NGEF: variants seen among roughly 807,000 people sequenced by gnomAD.
NGEF encodes ephexin-1.
A neutral mutation model predicts 80.9 loss-of-function variants in NGEF; 31 were observed. That is an observed-to-expected ratio of 0.38 (90% CI 0.29 to 0.52). NGEF has a LOEUF of 0.52. NGEF is among the 20% of genes least tolerant of loss of function. NGEF has a pLI of 0.84. For missense variants in NGEF, 709 were observed against 926.2 expected (o/e 0.77, Z 3.04); for synonymous variants, 371 against 370.2 (o/e 1.00, Z -0.03).
intron 1 of NGEF, among the ~76,000 whole-genome samples, chr2:232,992,569 AAAG>A (rs1179414210): frequency 2.0e-5 from 3 of 152,126 alleles, no homozygotes; most frequent in South Asian, 4.1e-4. Flanking sequence ...AATTTAAAAA[AAAG>A]AAGAAGAAAA....
intron 9 of NGEF, among the ~76,000 whole-genome samples, chr2:232,887,364 G>C (rs551578874): frequency 6.6e-6 from 1 of 152,296 alleles, no homozygotes; most frequent in East Asian, 1.9e-4. Context: ...AGGAGGAGCC[G>C]TCTCTCTCTG....
intron 3 of NGEF, among the ~76,000 whole-genome samples, chr2:232,956,658 T>C (rs1036478491): frequency 6.6e-6 from 1 of 151,634 alleles, no homozygotes; most frequent in Non-Finnish European, 1.5e-5. Flanking sequence ...TCCCAGCTAC[T>C]TGGGAGGCTG....
At chr2:232,933,729 G>T (rs760644474) in intron 3 of NGEF, among the ~76,000 whole-genome samples, 1 of 152,230 alleles carries the variant, frequency 6.6e-6, no homozygotes, top group South Asian at 2.1e-4. Flanking sequence ...GCTTTTTCAA[G>T]TGCTGTTCCC....
intron 3 of NGEF, among the ~76,000 whole-genome samples, chr2:232,941,340 T>C (rs1693433656): frequency 6.6e-6 from 1 of 152,160 alleles, no homozygotes; most frequent in Non-Finnish European, 1.5e-5. Flanking sequence ...ATTTCTAATC[T>C]GTGGCTAATG....
rs145715162 is a variant in NGEF at position 232,888,525 on chromosome 2, GCA to G, written c.1273-420_1273-419del. ...CAAACATGCATACAAGCATGTGTGCGCACACATACATGCATGCACATACATGC... is the reference window on the plus strand; with the variant it reads ...CAAACATGCATACAAGCATGTGTGCGCACATACATGCATGCACATACATGC... On this transcript the variant is annotated intron_variant, in intron 8 of 14. Coordinates refer to ENST00000264051, the MANE Select transcript of NGEF (RefSeq NM_019850.3). 2.1e-3 allele frequency among the ~76,000 whole-genome samples: 287 copies of G among 133,894 alleles called. 6 individuals are homozygous for G. The East Asian group carries it at 0.047, about 22-fold the overall frequency. The allele number at this position is 133,894 out of a possible 152,430, so 87.8% of individuals were successfully genotyped here.
chr2:232,949,392 G>A (rs1477917301), intron 3 of NGEF, among the ~76,000 whole-genome samples: 1 of 152,090 alleles, frequency 6.6e-6, no homozygotes, highest in Non-Finnish European at 1.5e-5. Context: ...TCAAAGATTA[G>A]GAATATCTTT....
rs544199470 is a variant in NGEF at position 232,943,522 on chromosome 2, G to A, written c.384-16336C>T. ...ACATTTTTTTTTTTTTTGAGACGGA[G>A]TCTCACTCTGTCGCCCAGGCTGGAG... On this transcript the variant is annotated intron_variant, in intron 3 of 14. Coordinates refer to ENST00000264051, the MANE Select transcript of NGEF (RefSeq NM_019850.3). 2.1e-3 allele frequency among the ~76,000 whole-genome samples: 299 copies of A among 144,740 alleles called. 4 individuals carry two copies. The East Asian group carries it at 0.023, about 11-fold the overall frequency. The allele number at this position is 144,740 out of a possible 152,430, so 95.0% of individuals were successfully genotyped here.
At chr2:232,949,771 C>A (rs1283963006) in intron 3 of NGEF, among the ~76,000 whole-genome samples, 3 of 147,770 alleles carry the variant, frequency 2.0e-5, no homozygotes, top group Non-Finnish European at 4.5e-5. Context: ...AGCCACTGCG[C>A]CTGGCTCTCT....
intron 1 of NGEF, among the ~76,000 whole-genome samples, chr2:233,008,322 GT>G (rs1695129810): frequency 6.6e-6 from 1 of 152,134 alleles, no homozygotes; most frequent in African/African-American, 2.4e-5. Context: ...GGAGCAGGCA[GT>G]TTTGCCATCT....
chr2:232,879,911 G>A (rs752864249), intron 14 of NGEF, among the ~76,000 whole-genome samples: 6 of 152,200 alleles, frequency 3.9e-5, no homozygotes, highest in African/African-American at 1.2e-4. Flanking sequence ...TCCGTGCCAC[G>A]CAGTTCCACG....
chr2:233,001,557 G>A (rs975873424), intron 1 of NGEF, among the ~76,000 whole-genome samples: 8 of 152,184 alleles, frequency 5.3e-5, no homozygotes, highest in African/African-American at 1.7e-4. Context: ...CAGCGAGAAC[G>A]GAAGGCGAGA....
Position 232,891,447 on chromosome 2 carries a change from C to G in NGEF, c.1183G>C (p.Glu395Gln). 1 of 1,613,352 alleles carries G rather than the reference C, an allele frequency of 6.2e-7. No individual in the cohort carries two copies. The highest frequency in any genetic ancestry group is 8.5e-7 in the Non-Finnish European group (1 of 1,179,962). The change falls in exon 8 of 15, where the codon GAG becomes CAG. Residue 395 changes from glutamate (E) to glutamine (Q), a missense_variant. Around this residue, in one of 2 missense-constraint regions of NGEF, gnomAD observed 426 missense variants for 622.9 expected, o/e 0.68. Coordinates refer to ENST00000264051, the MANE Select transcript of NGEF (RefSeq NM_019850.3). The stretch of plus-strand genomic sequence containing the variant: ...AGCCCCCTGCACTTGGGGTCGAGCT[C>G]TAGCTGCGCGATCAGCTCCCGGAAA... ...AAFRELIAQL[E>Q]LDPKCRGLPF...
At chr2:232,927,965 C>T in intron 3 of NGEF, 2 of 1,308,426 alleles carry the variant, frequency 1.5e-6, no homozygotes, top group South Asian at 2.3e-5. Context: ...GTCCACGGCG[C>T]AGGCGGCGCT....
chr2:232,885,538 C>T, intron 9 of NGEF, 169 bp from the exon 10 acceptor site: 1 of 607,548 alleles, frequency 1.6e-6, no homozygotes, highest in Non-Finnish European at 2.9e-6. Context: ...CTCTTTCTAG[C>T]ACCTTGTGGG....
At chr2:232,891,890 C>G (rs1028631701) in intron 7 of NGEF, among the ~76,000 whole-genome samples, 1 of 152,112 alleles carries the variant, frequency 6.6e-6, no homozygotes, top group Non-Finnish European at 1.5e-5. Context: ...CAGGTGGGCT[C>G]AGCGGTGGGC....
Position 232,891,450 on chromosome 2 carries a change from G to C in NGEF, c.1180C>G (p.Leu394Val). The change falls in exon 8 of 15, where the codon CTA becomes GTA. Residue 394 changes from leucine to valine, a missense_variant. Leu to Val is a conservative substitution (Grantham distance 32). Transcript: ENST00000264051. ...CCCCTGCACTTGGGGTCGAGCTCTA[G>C]CTGCGCGATCAGCTCCCGGAAAGCT... ...KAAFRELIAQ[L>V]ELDPKCRGLP... 4 of 1,613,386 alleles carry C rather than the reference G, an allele frequency of 2.5e-6. No homozygotes were observed. The highest frequency in any genetic ancestry group is 3.4e-6 in the Non-Finnish European group (4 of 1,179,960).
At chr2:232,954,223 AG>A (rs1174802340) in intron 3 of NGEF, among the ~76,000 whole-genome samples, 1 of 152,032 alleles carries the variant, frequency 6.6e-6, no homozygotes, top group African/African-American at 2.4e-5. Context: ...GACTTAAAGG[AG>A]GGTGCTTTAT....
intron 1 of NGEF, among the ~76,000 whole-genome samples, chr2:232,993,114 TA>T: frequency 1.6e-5 from 1 of 61,996 alleles, no homozygotes; most frequent in African/African-American, 5.4e-5. Context: ...TAAATATATA[TA>T]TATAAATAAA....
intron 5 of NGEF, among the ~76,000 whole-genome samples, chr2:232,908,088 A>C (rs778366): frequency 0.96 from 146,594 of 152,156 alleles, 70,710 homozygotes; most frequent in African/African-American, 0.99. Context: ...CCAGCCTGGG[A>C]GACAGAGTGA....
Sources: allele counts gnomAD v4.1 joint callset (sites outside exome capture counted in the v4.1 genomes callset), GRCh38; gene constraint gnomAD v4.1.1; regional missense constraint gnomAD v4.1.1; transcripts MANE v1.5; gene names NCBI Gene and HGNC (gene_info 2026-07-23, HGNC 2026-07-21).